Variants in ZFPM2 observed in about 807,000 individuals in gnomAD.
ZFPM2 encodes zinc finger protein, FOG family member 2, also known as zinc finger protein ZFPM2.
ZFPM2 carries 20 observed loss-of-function variants against 98.6 expected under a neutral mutation model. That is an observed-to-expected ratio of 0.20 (90% CI 0.14 to 0.29). ZFPM2 has a LOEUF of 0.29. Ranked by LOEUF, ZFPM2 falls within the 10% of genes least tolerant of loss-of-function variation. ZFPM2 has a pLI of 1.00. For missense variants in ZFPM2, 1,310 were observed against 1,388.6 expected (o/e 0.94, Z 0.90); for synonymous variants, 518 against 502.7 (o/e 1.03, Z -0.41).
At position 105,758,575 on chromosome 8, in the gene ZFPM2, G is replaced by C. The variant is rs1374994300; in HGVS notation, c.533-30143G>C. The stretch of plus-strand genomic sequence containing the variant: ...TACTTCAATGGACTGTATGCTTTTG[G>C]ACTTTTTATTTCAGTCATTTGATTT... On this transcript the variant is annotated intron_variant, in intron 5 of 7. Coordinates refer to ENST00000407775, the MANE Select transcript of ZFPM2 (RefSeq NM_012082.4). 3.9e-5 allele frequency among the ~76,000 whole-genome samples: 6 copies of C among 152,090 alleles called. No individual in the cohort carries two copies. The East Asian group carries it at 1.2e-3, about 29-fold the overall frequency.
At position 105,783,637 on chromosome 8, in the gene ZFPM2, C is replaced by T. The variant is rs115319313; in HGVS notation, c.533-5081C>T. On this transcript the variant is annotated intron_variant, in intron 5 of 7. Transcript: ENST00000407775. ...AGTACTTCATGTAAGTGGAATCATA[C>T]ACTGTTTGTCTTTTTGTGACACTCA... Among the ~76,000 whole-genome samples the T allele has an allele frequency of 8.9e-3, 1,356 of 152,292 alleles. 17 individuals carry two copies. The highest frequency in any genetic ancestry group is 0.024 in the African/African-American group (989 of 41,564).
intron 5 of ZFPM2, among the ~76,000 whole-genome samples, chr8:105,706,735 A>G (rs925092765): frequency 1.3e-5 from 2 of 151,926 alleles, no homozygotes; most frequent in Non-Finnish European, 2.9e-5. Flanking sequence ...GTGCACCACC[A>G]TGTCTGGCTA....
chr8:105,639,008 T>C (rs1816901405), intron 5 of ZFPM2, among the ~76,000 whole-genome samples: 1 of 152,046 alleles, frequency 6.6e-6, no homozygotes, highest in Admixed American at 6.6e-5. Context: ...TCGTCTGTTT[T>C]TTGCCATTAT....
intron 2 of ZFPM2, among the ~76,000 whole-genome samples, chr8:105,443,335 A>AAAAAAAAAAAAAAC (rs1263383863): frequency 6.6e-6 from 1 of 151,328 alleles, no homozygotes; most frequent in African/African-American, 2.4e-5. Context: ...ACAAAAAAAA[A>AAAAAAAAAAAAAAC]AAAACTTGGC....
chr8:105,348,627 G>A (rs1460910641), intron 1 of ZFPM2, among the ~76,000 whole-genome samples: 1 of 152,138 alleles, frequency 6.6e-6, no homozygotes, highest in Non-Finnish European at 1.5e-5. Flanking sequence ...TCAGGAATTC[G>A]AATTTACCAT....
At chr8:105,720,797 A>G (rs1409279255) in intron 5 of ZFPM2, among the ~76,000 whole-genome samples, 2 of 151,912 alleles carry the variant, frequency 1.3e-5, no homozygotes, top group Non-Finnish European at 1.5e-5. Context: ...TATCACCTGG[A>G]TGAAATAAAC....
intron 1 of ZFPM2, among the ~76,000 whole-genome samples, chr8:105,372,152 C>T (rs947779148): frequency 3.3e-5 from 5 of 151,984 alleles, no homozygotes; most frequent in African/African-American, 4.8e-5. Flanking sequence ...ACGCCATTCT[C>T]CTGCCTCAGC....
intron 2 of ZFPM2, among the ~76,000 whole-genome samples, chr8:105,433,576 A>G (rs1209656804): frequency 3.9e-5 from 6 of 152,178 alleles, no homozygotes; most frequent in African/African-American, 1.4e-4. Context: ...TCACAAGGTC[A>G]GGAGATCGAG....
chr8:105,466,574 C>T (rs1378274006), intron 3 of ZFPM2, among the ~76,000 whole-genome samples: 2 of 151,888 alleles, frequency 1.3e-5, no homozygotes, highest in African/African-American at 4.8e-5. Context: ...GTTGTTATTC[C>T]CATAGGTCCT....
chr8:105,689,524 C>T (rs1810825958), intron 5 of ZFPM2, among the ~76,000 whole-genome samples: 1 of 152,186 alleles, frequency 6.6e-6, no homozygotes, highest in Middle Eastern at 3.4e-3. Flanking sequence ...GTTATTATAA[C>T]TTGGTTATTA....
At chr8:105,694,797 T>C (rs1466086661) in intron 5 of ZFPM2, among the ~76,000 whole-genome samples, 5 of 152,208 alleles carry the variant, frequency 3.3e-5, no homozygotes, top group Non-Finnish European at 2.9e-5. Context: ...TATAAAATTA[T>C]AATTTTAAGA....
intron 1 of ZFPM2, among the ~76,000 whole-genome samples, chr8:105,404,601 T>C (rs1455280827): frequency 6.6e-6 from 1 of 152,100 alleles, no homozygotes; most frequent in Non-Finnish European, 1.5e-5. Flanking sequence ...TGTTAAATAG[T>C]CAATTAACTC....
chr8:105,593,042 G>A (rs1258970826), intron 4 of ZFPM2, among the ~76,000 whole-genome samples: 1 of 152,146 alleles, frequency 6.6e-6, no homozygotes, highest in Non-Finnish European at 1.5e-5. Flanking sequence ...ACTGGGAGGA[G>A]GTGGGGCAAG....
At chr8:105,331,534 T>C (rs145693464) in intron 1 of ZFPM2, among the ~76,000 whole-genome samples, 46 of 151,888 alleles carry the variant, frequency 3.0e-4, no homozygotes, top group African/African-American at 1.0e-3. Flanking sequence ...TAATCTCTTA[T>C]GTATTACAGG....
At chr8:105,566,371 T>C (rs1815243824) in intron 4 of ZFPM2, among the ~76,000 whole-genome samples, 1 of 152,136 alleles carries the variant, frequency 6.6e-6, no homozygotes, top group Middle Eastern at 3.2e-3. Flanking sequence ...ACAAACTTGG[T>C]GTTTTTGAAA....
At chr8:105,550,663 T>C (rs1814830472) in intron 3 of ZFPM2, among the ~76,000 whole-genome samples, 1 of 152,246 alleles carries the variant, frequency 6.6e-6, no homozygotes, top group African/African-American at 2.4e-5. Flanking sequence ...TCACATACTT[T>C]GGGAATTCAA....
intron 3 of ZFPM2, among the ~76,000 whole-genome samples, chr8:105,497,469 A>G (rs1406927723): frequency 6.6e-6 from 1 of 152,222 alleles, no homozygotes; most frequent in African/African-American, 2.4e-5. Flanking sequence ...TAAAAATAAA[A>G]TAATTAAGCC....
intron 3 of ZFPM2, among the ~76,000 whole-genome samples, chr8:105,502,862 A>G (rs1351252469): frequency 6.6e-6 from 1 of 152,156 alleles, no homozygotes; most frequent in African/African-American, 2.4e-5. Flanking sequence ...TCCACGGTTG[A>G]TTATCAGCTA....
At chr8:105,719,293 T>C (rs1231536027) in intron 5 of ZFPM2, among the ~76,000 whole-genome samples, 1 of 151,924 alleles carries the variant, frequency 6.6e-6, no homozygotes, top group Admixed American at 6.6e-5. Flanking sequence ...TACATGGCAG[T>C]TAGAATCACC....
Sources: allele counts gnomAD v4.1 joint callset (sites outside exome capture counted in the v4.1 genomes callset), GRCh38; gene constraint gnomAD v4.1.1; transcripts MANE v1.5; gene names NCBI Gene and HGNC (gene_info 2026-07-23, HGNC 2026-07-21).